The following SERTAD2 variants were observed in gnomAD, a reference collection of about 807,000 sequenced individuals.
SERTAD2 encodes SERTA domain containing 2.
Under a neutral mutation model 15.4 loss-of-function variants are expected in SERTAD2, and 2 were observed. The ratio of observed to expected loss-of-function variants is 0.13; its 90% confidence interval spans 0.05 to 0.41. The LOEUF (loss-of-function observed/expected upper bound fraction) is 0.41, where lower values mean the gene tolerates loss of function less well. Among genes scored for constraint, SERTAD2 ranks in the 10% least tolerant of loss-of-function variants. SERTAD2 has a pLI of 0.99. For missense variants in SERTAD2, 333 were observed against 409.7 expected, an observed-to-expected ratio of 0.81 and a Z score of 1.62; for synonymous variants, 180 against 178.0, an observed-to-expected ratio of 1.01 and a Z score of -0.09.
Position 64,635,642 on chromosome 2 carries a change from G to C in SERTAD2, c.*285C>G, listed in dbSNP as rs1239274431. ...TTAATCCTTGTGCTTCACTTGAACT[G>C]TTTATTTTTGTCATTCAACATTGCA... On this transcript the variant is annotated 3_prime_UTR_variant, in exon 2 of 2. Transcript: ENST00000313349. The C allele has an allele frequency of 3.1e-6, 1 of 325,082 alleles. No homozygotes were observed. 20.1% of individuals were successfully genotyped at this position (325,082 alleles called of 1,614,324 possible).
At chr2:64,650,106 C>G (rs1011356782) in intron 1 of SERTAD2, among the ~76,000 whole-genome samples, 26 of 152,228 alleles carry the variant, frequency 1.7e-4, no homozygotes, top group Middle Eastern at 3.4e-3. Context: ...AGATGAGGGA[C>G]AGAGGATTCT....
chr2:64,646,166 C>T (rs1304500173), intron 1 of SERTAD2, among the ~76,000 whole-genome samples: 3 of 152,196 alleles, frequency 2.0e-5, no homozygotes, highest in East Asian at 1.9e-4. Context: ...AACCCAAAAC[C>T]TGGCCATGTA....
intron 1 of SERTAD2, among the ~76,000 whole-genome samples, chr2:64,645,423 C>T (rs983112953): frequency 4.0e-5 from 6 of 151,758 alleles, no homozygotes; most frequent in African/African-American, 9.7e-5. Context: ...CACTGAAATT[C>T]GAACAGGAAG....
chr2:64,640,854 G>A (rs1231811540), intron 1 of SERTAD2, among the ~76,000 whole-genome samples: 1 of 152,174 alleles, frequency 6.6e-6, no homozygotes, highest in African/African-American at 2.4e-5. Context: ...GAGGAATCAC[G>A]TGGGTGCTCC....
At chr2:64,639,343 G>A (rs1476057386) in intron 1 of SERTAD2, among the ~76,000 whole-genome samples, 1 of 152,138 alleles carries the variant, frequency 6.6e-6, no homozygotes, top group African/African-American at 2.4e-5. Context: ...TTTTAAAATG[G>A]GGCTTCTATT....
At chr2:64,644,341 T>C (rs1674850067) in intron 1 of SERTAD2, among the ~76,000 whole-genome samples, 1 of 152,254 alleles carries the variant, frequency 6.6e-6, no homozygotes, top group Admixed American at 6.5e-5. Context: ...GCTGTTTCTC[T>C]TCTCTTCACT....
chr2:64,632,287 C>T lies in SERTAD2; in HGVS notation c.*3640G>A, dbSNP rs1197317792. The T allele has an allele frequency of 6.7e-6, 1 of 149,588 alleles. No homozygotes were observed. Among genetic ancestry groups the T allele is most frequent in the African/African-American group, 2.5e-5 (1 of 40,408 alleles). The allele number at this position is 149,588 out of a possible 1,614,324, so 9.3% of individuals were successfully genotyped here. A position where few individuals can be genotyped will look rare whatever the true frequency, so the allele number is the denominator to read the frequency against. On this transcript the variant is annotated 3_prime_UTR_variant, in exon 2 of 2. Transcript: ENST00000313349. The stretch of plus-strand genomic sequence containing the variant: ...ACATTTGTCATTTAAGAAGGCTGCC[C>T]TGCGGTATTCATAATTCATTGTTTA...
At chr2:64,653,383 A>C (rs1316378740) in intron 1 of SERTAD2, among the ~76,000 whole-genome samples, 3 of 72,870 alleles carry the variant, frequency 4.1e-5, no homozygotes, top group East Asian at 4.1e-4. Flanking sequence ...CCTGCCCCCC[A>C]GCGGCTCAGC....
chr2:64,638,682 T>A (rs1044312602), intron 1 of SERTAD2, among the ~76,000 whole-genome samples: 11 of 123,938 alleles, frequency 8.9e-5, no homozygotes, highest in African/African-American at 3.4e-4. Flanking sequence ...CCCCTCATTT[T>A]GTTAACATTT....
chr2:64,653,714 G>A lies in SERTAD2; in HGVS notation c.-99C>T, dbSNP rs1003461663. ...CCATGCGGAGTGCCCCGCTCCAGGG[G>A]CCCGAGGGTGGCGCCGGGGAGCGGG... On this transcript the variant is annotated 5_prime_UTR_variant, in exon 1 of 2. Transcript: ENST00000313349. 2.0e-5 allele frequency: 3 copies of A among 152,338 alleles called. No individual in the cohort carries two copies. The highest frequency in any genetic ancestry group is 4.4e-5 in the Non-Finnish European group (3 of 68,188). 9.4% of individuals were successfully genotyped at this position (152,338 alleles called of 1,614,324 possible).
chr2:64,653,345 G>C (rs1401152341), intron 1 of SERTAD2, among the ~76,000 whole-genome samples: 2 of 129,902 alleles, frequency 1.5e-5, no homozygotes, highest in African/African-American at 5.8e-5. Flanking sequence ...TCGGCTCTCC[G>C]AGCTCCCGAC....
In SERTAD2 at chr2:64,636,714, G is replaced by T; in HGVS notation, c.158C>A (p.Pro53His). The change falls in exon 2 of 2, where the codon CCC becomes CAC. Residue 53 changes from proline to histidine, a missense_variant. Pro to His is a moderately conservative substitution (Grantham distance 77). This residue lies in a region of SERTAD2 where 332 missense variants were observed against 392.9 expected (regional missense o/e 0.84). Transcript: ENST00000313349. ...CTTTTGCAAGCTGGGCTCTGTCAGGGGCCTGTGGTTATAGAGTTTCATAAG... is the reference window on the plus strand; with the variant it reads ...CTTTTGCAAGCTGGGCTCTGTCAGGTGCCTGTGGTTATAGAGTTTCATAAG... ...ISLMKLYNHR[P>H]LTEPSLQKTV... 2 of 1,614,174 alleles carry T rather than the reference G, an allele frequency of 1.2e-6. No individual in the cohort carries two copies. Among genetic ancestry groups the T allele is most frequent in the Non-Finnish European group, 1.7e-6 (2 of 1,180,040 alleles).
chr2:64,646,224 A>G (rs779556901), intron 1 of SERTAD2, among the ~76,000 whole-genome samples: 4 of 152,254 alleles, frequency 2.6e-5, no homozygotes, highest in Non-Finnish European at 4.4e-5. Flanking sequence ...AGGCTGGCTG[A>G]TAAGTACAAG....
chr2:64,641,307 G>C (rs1379176843), intron 1 of SERTAD2, among the ~76,000 whole-genome samples: 2 of 152,154 alleles, frequency 1.3e-5, no homozygotes, highest in Admixed American at 6.5e-5. Flanking sequence ...TGACTTTTTG[G>C]GGCTTTGCAA....
rs1323533192 is a variant in SERTAD2, at chr2:64,632,687, A to T, written c.*3240T>A. On this transcript the variant is annotated 3_prime_UTR_variant, in exon 2 of 2. Transcript: ENST00000313349. The stretch of plus-strand genomic sequence containing the variant: ...AAATAGACCCATATTAGAGAAGAGT[A>T]AAAATGAATGCGGACTGTGCATACA... 1 of 152,656 alleles carries T rather than the reference A, an allele frequency of 6.6e-6. No homozygotes were observed. The highest frequency in any genetic ancestry group is 6.5e-5 in the Admixed American group (1 of 15,286). The allele number at this position is 152,656 out of a possible 1,614,324, so 9.5% of individuals were successfully genotyped here.
At chr2:64,642,784 A>ACC (rs1322732100) in intron 1 of SERTAD2, among the ~76,000 whole-genome samples, 1 of 152,194 alleles carries the variant, frequency 6.6e-6, no homozygotes, top group Admixed American at 6.5e-5. Flanking sequence ...TCAGACCACC[A>ACC]AGGCTGGCTT....
intron 1 of SERTAD2, among the ~76,000 whole-genome samples, chr2:64,637,863 A>G (rs963104085): frequency 7.2e-5 from 11 of 152,154 alleles, no homozygotes; most frequent in Non-Finnish European, 2.9e-5. Context: ...CTTAGTGAAT[A>G]CATTTTATCA....
At chr2:64,647,693 C>T (rs1674934756) in intron 1 of SERTAD2, among the ~76,000 whole-genome samples, 1 of 149,510 alleles carries the variant, frequency 6.7e-6, no homozygotes, top group South Asian at 2.1e-4. Flanking sequence ...AAAAAAAAGA[C>T]TCAAGATATA....
At chr2:64,652,991 G>A (rs1425334907) in intron 1 of SERTAD2, among the ~76,000 whole-genome samples, 2 of 152,154 alleles carry the variant, frequency 1.3e-5, no homozygotes, top group Non-Finnish European at 2.9e-5. Context: ...GTCATAGGCG[G>A]TTACCACGAA....
Sources: gnomAD v4.1 joint callset for allele counts (sites outside exome capture counted in the v4.1 genomes callset) on GRCh38, gnomAD v4.1.1 for gene constraint, gnomAD v4.1.1 regional missense constraint, MANE v1.5 for transcripts, NCBI Gene and HGNC (gene_info 2026-07-23, HGNC 2026-07-21) for gene names.